LOC128462377: variants seen among roughly 807,000 people sequenced by gnomAD.
At chr16:89,381,191 G>A in the LOC128462377 span, among the ~76,000 whole-genome samples, 1 of 152,112 alleles carries the variant, frequency 6.6e-6, no homozygotes, top group Non-Finnish European at 1.5e-5. Flanking sequence ...AATAAGCTGG[G>A]CATGGTGGTG....
the LOC128462377 span, among the ~76,000 whole-genome samples, chr16:89,327,027 TGCAGAGGTGGGGAATGCAGAGGTG>T: frequency 6.7e-6 from 1 of 148,438 alleles, no homozygotes; most frequent in Admixed American, 6.7e-5. Context: ...AGGTGGGGAA[TGCAGAGGTGGGGAATGCAGAGGTG>T]GGAAATGCAG....
At chr16:89,418,228 T>C in the LOC128462377 span, 1 of 448,926 alleles carries the variant, frequency 2.2e-6, no homozygotes, top group Non-Finnish European at 4.5e-6. Flanking sequence ...TTGATACTTA[T>C]TTTTACAAAT....
At chr16:89,401,649 C>G in the LOC128462377 span, among the ~76,000 whole-genome samples, 1 of 152,146 alleles carries the variant, frequency 6.6e-6, no homozygotes, top group African/African-American at 2.4e-5. Flanking sequence ...TCCTAGCCCC[C>G]CAACACCACA....
the LOC128462377 span, among the ~76,000 whole-genome samples, chr16:89,381,411 C>G: frequency 6.6e-6 from 1 of 151,282 alleles, no homozygotes; most frequent in Non-Finnish European, 1.5e-5. Context: ...CCAAGAAACT[C>G]CCAGACACCA....
chr16:89,384,879 C>CTTTCTTT, the LOC128462377 span, among the ~76,000 whole-genome samples: 1 of 49,910 alleles, frequency 2.0e-5, no homozygotes, highest in African/African-American at 7.9e-5. Context: ...AAATAGTTTT[C>CTTTCTTT]TTTTTTTTTT....
chr16:89,332,310 C>T, the LOC128462377 span, among the ~76,000 whole-genome samples: 1 of 152,208 alleles, frequency 6.6e-6, no homozygotes, highest in African/African-American at 2.4e-5. Context: ...GGTGAACGCT[C>T]TTCAGCTCCG....
chr16:89,345,393 G>A, the LOC128462377 span, among the ~76,000 whole-genome samples: 5 of 152,112 alleles, frequency 3.3e-5, no homozygotes, highest in Non-Finnish European at 5.9e-5. Flanking sequence ...GTGGGTGGAC[G>A]AACGCTGGCT....
At chr16:89,408,183 T>C in the LOC128462377 span, among the ~76,000 whole-genome samples, 4 of 152,130 alleles carry the variant, frequency 2.6e-5, no homozygotes, top group Admixed American at 2.0e-4. Flanking sequence ...AAGCACTGGA[T>C]GCATACAGAT....
At chr16:89,371,832 G>A in the LOC128462377 span, among the ~76,000 whole-genome samples, 1 of 152,204 alleles carries the variant, frequency 6.6e-6, no homozygotes, top group Non-Finnish European at 1.5e-5. Flanking sequence ...TCATGTTCCT[G>A]AGCAAACCGA....
the LOC128462377 span, among the ~76,000 whole-genome samples, chr16:89,368,174 C>T: frequency 1.3e-5 from 2 of 151,954 alleles, no homozygotes; most frequent in East Asian, 3.9e-4. Flanking sequence ...TTCCAACATA[C>T]TCTGTCCACT....
the LOC128462377 span, among the ~76,000 whole-genome samples, chr16:89,408,889 C>T: frequency 6.6e-6 from 1 of 152,352 alleles, no homozygotes; most frequent in East Asian, 1.9e-4. Flanking sequence ...TCTAGCAGAG[C>T]ATGTGCCTCT....
the LOC128462377 span, among the ~76,000 whole-genome samples, chr16:89,359,591 C>T: frequency 6.6e-6 from 1 of 152,334 alleles, no homozygotes; most frequent in South Asian, 2.1e-4. Flanking sequence ...TGGCTGCTGG[C>T]CGAAACTGTT....
chr16:89,376,646 C>G, the LOC128462377 span, among the ~76,000 whole-genome samples: 1 of 152,144 alleles, frequency 6.6e-6, no homozygotes, highest in African/African-American at 2.4e-5. Flanking sequence ...ACCATGTTGG[C>G]CAGGCTGGTC....
At chr16:89,336,604 A>G in the LOC128462377 span, among the ~76,000 whole-genome samples, 1 of 152,168 alleles carries the variant, frequency 6.6e-6, no homozygotes, top group Non-Finnish European at 1.5e-5. Context: ...ACAAGGTTAA[A>G]GTGACGCTTT....
chr16:89,355,252 G>T, the LOC128462377 span, among the ~76,000 whole-genome samples: 1 of 150,842 alleles, frequency 6.6e-6, no homozygotes, highest in Admixed American at 6.6e-5. Flanking sequence ...CTCACACCCT[G>T]AGGCTCGGAA....
At chr16:89,418,141 T>C in the LOC128462377 span, 1 of 392,626 alleles carries the variant, frequency 2.5e-6, no homozygotes, top group Non-Finnish European at 5.3e-6. Flanking sequence ...CTAAGTGAAA[T>C]CCAGAACAAA....
chr16:89,361,228 C>A, the LOC128462377 span, among the ~76,000 whole-genome samples: 1 of 152,216 alleles, frequency 6.6e-6, no homozygotes, highest in Non-Finnish European at 1.5e-5. Flanking sequence ...GCAGCACATC[C>A]CCCTTCTTCC....
At chr16:89,362,412 G>GA in the LOC128462377 span, among the ~76,000 whole-genome samples, 1 of 152,170 alleles carries the variant, frequency 6.6e-6, no homozygotes, top group African/African-American at 2.4e-5. Context: ...GTTCCATCTA[G>GA]ACCCAAACCT....
the LOC128462377 span, among the ~76,000 whole-genome samples, chr16:89,327,066 GGGGAATGCAGAGGTT>G: frequency 0.011 from 402 of 37,728 alleles, 4 homozygotes; most frequent in Middle Eastern, 0.059. Flanking sequence ...ATGCAGAGGT[GGGGAATGCAGAGGTT>G]GGAAATGCAG....
Sources: gnomAD v4.1 joint callset for allele counts (sites outside exome capture counted in the v4.1 genomes callset) on GRCh38, gnomAD v4.1.1 for gene constraint, MANE v1.5 for transcripts.